BMAL2: variants seen among roughly 807,000 people sequenced by gnomAD.
The protein encoded by BMAL2 is basic helix-loop-helix ARNT-like protein 2.
the BMAL2 span, among the ~76,000 whole-genome samples, chr12:27,396,944 C>G: frequency 6.6e-6 from 1 of 152,202 alleles, no homozygotes; most frequent in Non-Finnish European, 1.5e-5. Context: ...TTGTCTTCTG[C>G]TTTAACCAGG....
the BMAL2 span, among the ~76,000 whole-genome samples, chr12:27,416,748 A>G: frequency 3.9e-5 from 6 of 152,284 alleles, no homozygotes; most frequent in Admixed American, 3.3e-4. Context: ...ACTTGAGGCC[A>G]GGAGTCCAAG....
the BMAL2 span, among the ~76,000 whole-genome samples, chr12:27,346,777 G>A: frequency 2.0e-5 from 3 of 152,128 alleles, no homozygotes; most frequent in African/African-American, 7.2e-5. Context: ...TCGGATGTTT[G>A]CCCCCTCCAA....
chr12:27,371,974 A>C, the BMAL2 span, among the ~76,000 whole-genome samples: 2 of 152,206 alleles, frequency 1.3e-5, 1 homozygote, highest in East Asian at 3.8e-4. Flanking sequence ...AATTGCCACT[A>C]TTTCACGTAA....
At chr12:27,378,793 T>C in the BMAL2 span, among the ~76,000 whole-genome samples, 1 of 152,112 alleles carries the variant, frequency 6.6e-6, no homozygotes, top group East Asian at 1.9e-4. Flanking sequence ...TTTGGGGTAA[T>C]GCAATGAGCC....
the BMAL2 span, among the ~76,000 whole-genome samples, chr12:27,395,561 GA>G: frequency 4.7e-5 from 7 of 150,030 alleles, no homozygotes; most frequent in East Asian, 7.8e-4. Context: ...ATAGGTTTAA[GA>G]AAAAAAAACA....
chr12:27,401,142 C>T, the BMAL2 span: 718 of 800,316 alleles, frequency 9.0e-4, 3 homozygotes, highest in Non-Finnish European at 5.2e-4. Flanking sequence ...ATGCATGGGT[C>T]ACTCATCCCC....
chr12:27,359,933 G>T, the BMAL2 span, among the ~76,000 whole-genome samples: 1 of 151,310 alleles, frequency 6.6e-6, no homozygotes, highest in Non-Finnish European at 1.5e-5. Context: ...TGTGCCTGTA[G>T]TCCCAGCTAC....
chr12:27,368,197 T>C, the BMAL2 span: 4 of 1,558,478 alleles, frequency 2.6e-6, no homozygotes, highest in East Asian at 6.8e-5. Flanking sequence ...ATGTGTGATA[T>C]GGATATGTAC....
At chr12:27,387,437 A>G in the BMAL2 span, 3 of 693,212 alleles carry the variant, frequency 4.3e-6, no homozygotes, top group Non-Finnish European at 7.5e-6. Context: ...AGATTCTGCT[A>G]AGTTAGAACT....
the BMAL2 span, among the ~76,000 whole-genome samples, chr12:27,334,981 C>T: frequency 6.6e-6 from 1 of 152,254 alleles, no homozygotes; most frequent in Non-Finnish European, 1.5e-5. Flanking sequence ...CCTTTCTTTT[C>T]TTTCCCATCT....
At chr12:27,340,926 C>T in the BMAL2 span, among the ~76,000 whole-genome samples, 3 of 152,002 alleles carry the variant, frequency 2.0e-5, no homozygotes, top group Non-Finnish European at 4.4e-5. Context: ...GTTTATGTAT[C>T]GGAATGCTAG....
chr12:27,387,238 G>C, the BMAL2 span: 9 of 1,610,182 alleles, frequency 5.6e-6, no homozygotes, highest in African/African-American at 1.3e-5. Context: ...ACTGCAGAAG[G>C]CTTCTTATTT....
chr12:27,403,894 G>C, the BMAL2 span, among the ~76,000 whole-genome samples: 2 of 152,122 alleles, frequency 1.3e-5, no homozygotes, highest in African/African-American at 4.8e-5. Context: ...CAGGCATGGT[G>C]GGTCATGCCT....
chr12:27,364,145 A>G, the BMAL2 span, among the ~76,000 whole-genome samples: 1 of 152,102 alleles, frequency 6.6e-6, no homozygotes, highest in Non-Finnish European at 1.5e-5. Context: ...CAGCCCTTTT[A>G]CGGTGGCACT....
At chr12:27,332,858 A>G in the BMAL2 span, 21 of 187,450 alleles carry the variant, frequency 1.1e-4, no homozygotes, top group Non-Finnish European at 7.4e-5. Flanking sequence ...GGCTGGCTCC[A>G]GTCCGCATGC....
the BMAL2 span, among the ~76,000 whole-genome samples, chr12:27,419,709 T>G: frequency 2.6e-5 from 4 of 152,226 alleles, no homozygotes; most frequent in Non-Finnish European, 5.9e-5. Context: ...ATATCCACTT[T>G]AAACACACAT....
the BMAL2 span, among the ~76,000 whole-genome samples, chr12:27,413,480 CTTCCTAATAACTACAAATAAGTTCT>C: frequency 6.6e-6 from 1 of 151,978 alleles, no homozygotes; most frequent in Non-Finnish European, 1.5e-5. Flanking sequence ...TTTATGTAGG[CTTCCTAATAACTACAAATAAGTTCT>C]TTTTCCAAGA....
the BMAL2 span, among the ~76,000 whole-genome samples, chr12:27,365,707 A>G: frequency 6.8e-6 from 1 of 147,882 alleles, no homozygotes; most frequent in Non-Finnish European, 1.5e-5. Context: ...AGGGCATCTC[A>G]ATTATGACCC....
chr12:27,369,280 C>CT, the BMAL2 span, among the ~76,000 whole-genome samples: 14 of 143,102 alleles, frequency 9.8e-5, no homozygotes, highest in South Asian at 2.3e-4. Context: ...CATCCTAGCT[C>CT]TTTTTTTTTC....
Sources: gnomAD v4.1 joint callset for allele counts (sites outside exome capture counted in the v4.1 genomes callset) on GRCh38, gnomAD v4.1.1 for gene constraint, MANE v1.5 for transcripts, NCBI Gene and HGNC (gene_info 2026-07-23, HGNC 2026-07-21) for gene names.